Variants in TMEM260 observed in about 807,000 individuals in gnomAD.
The protein encoded by TMEM260 is transmembrane protein 260, also known as protein O-mannosyl-transferase TMEM260.
A neutral mutation model predicts 88.9 loss-of-function variants in TMEM260; 82 were observed. The ratio of observed to expected loss-of-function variants is 0.92; its 90% confidence interval spans 0.77 to 1.11. The LOEUF is 1.11. TMEM260 is among the 50% of genes least tolerant of loss of function. TMEM260 has a pLI of 0.00. For missense variants in TMEM260, 902 were observed against 853.4 expected (o/e 1.06, Z -0.71); for synonymous variants, 314 against 309.3 (o/e 1.02, Z -0.16).
At chr14:56,638,981 T>TAAAATAAGTTGATAATGTGTC (rs1889349778) in intron 15 of TMEM260, among the ~76,000 whole-genome samples, 1 of 152,168 alleles carries the variant, frequency 6.6e-6, no homozygotes, top group South Asian at 2.1e-4. Context: ...ATAGGACATC[T>TAAAATAAGTTGATAATGTGTC]AAAATAAGTT....
At chr14:56,616,655 TAAC>T (rs1464462440) in intron 8 of TMEM260, among the ~76,000 whole-genome samples, 2 of 152,050 alleles carry the variant, frequency 1.3e-5, no homozygotes, top group Non-Finnish European at 2.9e-5. Flanking sequence ...TTATAAGTAA[TAAC>T]AAAGCATTTT....
At position 56,609,470 on chromosome 14, in the gene TMEM260, CACTT is replaced by C. The variant is rs528467361; in HGVS notation, c.816+187_816+190del. 3.3e-5 allele frequency among the ~76,000 whole-genome samples: 5 copies of C among 152,266 alleles called. No homozygotes were observed. The East Asian group carries it at 9.7e-4, about 29-fold the overall frequency. Reference sequence around the variant, plus strand: ...ATATATGTAAGAGAAAAGTCAGAATCACTTAATTTAACATCATGTAGTTGTATAT... The same window carrying C: ...ATATATGTAAGAGAAAAGTCAGAATCAATTTAACATCATGTAGTTGTATAT... On this transcript the variant is annotated intron_variant, in intron 6 of 15. Transcript: ENST00000261556.
chr14:56,651,439 G>A (rs1310774807), downstream of TMEM260, among the ~76,000 whole-genome samples: 1 of 152,160 alleles, frequency 6.6e-6, no homozygotes, highest in Non-Finnish European at 1.5e-5. Context: ...AGGTGGTGAT[G>A]CCACATGGGA....
chr14:56,617,623 A>G (rs1887669526), intron 9 of TMEM260, among the ~76,000 whole-genome samples: 1 of 152,194 alleles, frequency 6.6e-6, no homozygotes, highest in African/African-American at 2.4e-5. Context: ...ATGAATTGTA[A>G]TTGAGGGCAC....
At chr14:56,592,439 C>T (rs944043946) in intron 3 of TMEM260, among the ~76,000 whole-genome samples, 1 of 152,080 alleles carries the variant, frequency 6.6e-6, no homozygotes, top group Non-Finnish European at 1.5e-5. Flanking sequence ...ATACCCAGAA[C>T]ATGTTTGTTG....
chr14:56,653,736 C>CAAAAAAAAA (rs10522889), downstream of TMEM260, among the ~76,000 whole-genome samples: 303 of 66,550 alleles, frequency 4.6e-3, 6 homozygotes, highest in African/African-American at 0.017. Flanking sequence ...CTCTTGTCTC[C>CAAAAAAAAA]AAAACAAAAA....
chr14:56,634,598 T>C (rs539273264), intron 13 of TMEM260, among the ~76,000 whole-genome samples: 1 of 152,274 alleles, frequency 6.6e-6, no homozygotes, highest in African/African-American at 2.4e-5. Flanking sequence ...ATCCCAGTAT[T>C]TTGGGAGGCT....
chr14:56,618,520 A>T (rs1367873064), intron 9 of TMEM260, 74 bp from the exon 10 acceptor site: 2 of 1,411,086 alleles, frequency 1.4e-6, no homozygotes, highest in Non-Finnish European at 2.0e-6. Flanking sequence ...CAGCATATTT[A>T]AAAAATATAT....
chr14:56,645,549 C>T (rs1192598196), intron 15 of TMEM260, among the ~76,000 whole-genome samples: 2 of 151,828 alleles, frequency 1.3e-5, no homozygotes, highest in Non-Finnish European at 2.9e-5. Context: ...TGCTAAATGA[C>T]GAGGTAATGG....
At chr14:56,604,307 T>C (rs1886759597) in intron 4 of TMEM260, among the ~76,000 whole-genome samples, 1 of 150,036 alleles carries the variant, frequency 6.7e-6, no homozygotes, top group South Asian at 2.1e-4. Flanking sequence ...GTGTATATTA[T>C]CAGAAGGTGC....
At chr14:56,633,940 T>C (rs989653459) in intron 13 of TMEM260, among the ~76,000 whole-genome samples, 2 of 152,212 alleles carry the variant, frequency 1.3e-5, no homozygotes, top group African/African-American at 4.8e-5. Context: ...TGTAAAGGTT[T>C]TTTGAAAAGA....
intron 15 of TMEM260, among the ~76,000 whole-genome samples, chr14:56,638,584 A>G (rs1889308533): frequency 6.6e-6 from 1 of 152,044 alleles, no homozygotes; most frequent in Non-Finnish European, 1.5e-5. Flanking sequence ...AATACAGATT[A>G]TTGGTATCTC....
chr14:56,587,458 CA>C (rs1383911349), intron 3 of TMEM260, among the ~76,000 whole-genome samples: 2 of 152,006 alleles, frequency 1.3e-5, no homozygotes, highest in Non-Finnish European at 2.9e-5. Context: ...TAGCTCTGGA[CA>C]GTACTTTTCT....
Position 56,647,456 on chromosome 14 carries a change from A to G in TMEM260, c.2083A>G (p.Arg695Gly). ...ADILGALKHL[R>G]KELQSLRNRK... ...TATTTTAGGTGCTCTAAAGCACCTA[A>G]GAAAAGAACTGCAAAGTCTGAGAAA... Residue 695 changes from arginine (R) to glycine (G), a missense_variant, in exon 16 of 16, where the codon AGA (arginine) becomes GGA (glycine). Physicochemically the swap from Arg to Gly is moderately radical, Grantham distance 125. Coordinates refer to ENST00000261556, the MANE Select transcript of TMEM260 (RefSeq NM_017799.4). 6.2e-7 allele frequency: 1 copy of G among 1,611,602 alleles called. No individual in the cohort carries two copies. Among genetic ancestry groups the G allele is most frequent in the Non-Finnish European group, 8.5e-7 (1 of 1,179,460 alleles).
At chr14:56,601,668 C>T (rs1200136884) in intron 3 of TMEM260, among the ~76,000 whole-genome samples, 2 of 152,082 alleles carry the variant, frequency 1.3e-5, no homozygotes, top group Non-Finnish European at 1.5e-5. Flanking sequence ...TTATTAGTGA[C>T]TTTCTATGGA....
chr14:56,641,014 A>G (rs956920260), intron 15 of TMEM260, among the ~76,000 whole-genome samples: 1 of 152,000 alleles, frequency 6.6e-6, no homozygotes, highest in Non-Finnish European at 1.5e-5. Context: ...ATATGGGACT[A>G]TGAAAAGACC....
intron 15 of TMEM260, among the ~76,000 whole-genome samples, chr14:56,637,039 A>C (rs1377366274): frequency 6.6e-6 from 1 of 152,176 alleles, no homozygotes; most frequent in Non-Finnish European, 1.5e-5. Context: ...AGAAACTTGA[A>C]CTTTGCAGAT....
chr14:56,590,168 G>T (rs1885762370), intron 3 of TMEM260, among the ~76,000 whole-genome samples: 2 of 152,120 alleles, frequency 1.3e-5, no homozygotes, highest in South Asian at 4.1e-4. Flanking sequence ...GACTTAGACT[G>T]CTTAAGCATA....
rs144251735 is a variant in TMEM260, at chr14:56,590,243, G to A, written c.344+4331G>A. 3.2e-3 allele frequency among the ~76,000 whole-genome samples: 490 copies of A among 152,254 alleles called. 5 individuals carry two copies. Among genetic ancestry groups the A allele is most frequent in the Middle Eastern group, 0.014 (4 of 294 alleles). The stretch of plus-strand genomic sequence containing the variant: ...GGACATATTAGGCTCAAATAGCAGC[G>A]CTTCATTTTGAAGGGAAAAAAAGCA... On this transcript the variant is annotated intron_variant, in intron 3 of 15. Transcript: ENST00000261556.
Sources: allele counts gnomAD v4.1 joint callset (sites outside exome capture counted in the v4.1 genomes callset), GRCh38; gene constraint gnomAD v4.1.1; transcripts MANE v1.5; gene names NCBI Gene and HGNC (gene_info 2026-07-23, HGNC 2026-07-21).